The following MED12L variants were observed in gnomAD, a reference collection of about 807,000 sequenced individuals.
The protein encoded by MED12L is mediator of RNA polymerase II transcription subunit 12-like protein.
Under a neutral mutation model 281.3 loss-of-function variants are expected in MED12L, and 60 were observed. The observed-to-expected ratio is 0.21, with a 90% confidence interval of 0.17 to 0.26. MED12L has a LOEUF of 0.26. Among genes scored for constraint, MED12L ranks in the 10% least tolerant of loss-of-function variants. MED12L has a pLI of 1.00. For synonymous variants in MED12L, 974 were observed against 987.2 expected (o/e 0.99, Z 0.25); for missense variants, 2,146 against 2,680.9 (o/e 0.80, Z 4.41).
intron 16 of MED12L, among the ~76,000 whole-genome samples, chr3:151,214,652 G>A (rs932213469): frequency 6.6e-6 from 1 of 150,530 alleles, no homozygotes; most frequent in Admixed American, 6.7e-5. Context: ...CAATGAAAAG[G>A]GAAGAATGGA....
chr3:151,365,441 A>G (rs1393203331), intron 22 of MED12L, among the ~76,000 whole-genome samples: 3 of 152,200 alleles, frequency 2.0e-5, no homozygotes, highest in Non-Finnish European at 4.4e-5. Flanking sequence ...ATGGCCAACA[A>G]TTACATGATT....
intron 16 of MED12L, among the ~76,000 whole-genome samples, chr3:151,267,447 A>G (rs548118317): frequency 5.3e-5 from 8 of 152,288 alleles, no homozygotes; most frequent in African/African-American, 1.4e-4. Flanking sequence ...TTTTCACCCT[A>G]AATTCTAAGC....
chr3:151,407,668 A>G (rs1210759108), intron 39 of MED12L, among the ~76,000 whole-genome samples: 1 of 152,242 alleles, frequency 6.6e-6, no homozygotes, highest in Non-Finnish European at 1.5e-5. Flanking sequence ...CTCTAACCCA[A>G]GCAAATGGAG....
chr3:151,402,087 A>G (rs187973054), intron 39 of MED12L, among the ~76,000 whole-genome samples: 2 of 152,194 alleles, frequency 1.3e-5, no homozygotes, highest in South Asian at 2.1e-4. Flanking sequence ...TTATGTACCT[A>G]TATGTAAAAT....
intron 23 of MED12L, among the ~76,000 whole-genome samples, chr3:151,366,633 T>C (rs902944066): frequency 7.9e-5 from 12 of 152,216 alleles, no homozygotes; most frequent in African/African-American, 2.9e-4. Context: ...GTCTTTGTCG[T>C]ACACTAGTAT....
chr3:151,424,641 A>C (rs929293150), intron 43 of MED12L, among the ~76,000 whole-genome samples: 8 of 152,030 alleles, frequency 5.3e-5, no homozygotes, highest in African/African-American at 1.9e-4. Context: ...AAACAAAACA[A>C]AACAAAAAAA....
intron 16 of MED12L, chr3:151,300,222 GA>G: frequency 2.6e-6 from 2 of 766,142 alleles, no homozygotes; most frequent in Non-Finnish European, 4.7e-6. Context: ...GAAAAATGAG[GA>G]AAAAATCATC....
chr3:151,375,184 T>G (rs1462050020), intron 27 of MED12L, among the ~76,000 whole-genome samples: 1 of 152,220 alleles, frequency 6.6e-6, no homozygotes, highest in Non-Finnish European at 1.5e-5. Context: ...CCACCTGAGT[T>G]TGACTTAATT....
intron 41 of MED12L, among the ~76,000 whole-genome samples, chr3:151,412,358 G>A (rs187565030): frequency 2.8e-4 from 43 of 152,310 alleles, no homozygotes; most frequent in African/African-American, 7.9e-4. Context: ...TATGCAGTTC[G>A]TTCTTGTGGC....
intron 2 of MED12L, among the ~76,000 whole-genome samples, chr3:151,106,271 CTTTCCCTTTCCTTTTCCT>C: frequency 8.1e-6 from 1 of 123,072 alleles, no homozygotes. Context: ...TTCCCTTTCC[CTTTCCCTTTCCTTTTCCT>C]TTTCCTTTTC....
At chr3:151,257,182 G>A (rs1195995645) in intron 16 of MED12L, among the ~76,000 whole-genome samples, 2 of 152,178 alleles carry the variant, frequency 1.3e-5, no homozygotes, top group East Asian at 1.9e-4. Flanking sequence ...CGCCTGGAAA[G>A]CATATTTATG....
At chr3:151,418,937 T>C (rs1717940698) in intron 43 of MED12L, among the ~76,000 whole-genome samples, 1 of 152,228 alleles carries the variant, frequency 6.6e-6, no homozygotes, top group South Asian at 2.1e-4. Flanking sequence ...AAGCTTTCAA[T>C]GTGTAATGAT....
Position 151,127,862 on chromosome 3 carries a change from A to G in MED12L, c.434A>G (p.Tyr145Cys), listed in dbSNP as rs1479709120. Residue 145 changes from tyrosine to cysteine, a missense_variant, in exon 5 of 45, where the codon TAT becomes TGT. By Grantham distance (194) the Tyr-to-Cys change is radical. Around this residue, in one of 9 missense-constraint regions of MED12L, gnomAD observed 722 missense variants for 861.2 expected, o/e 0.84. Coordinates refer to ENST00000687756, the MANE Select transcript of MED12L (RefSeq NM_001393769.1). The part of the protein sequence containing the change: ...ILSKKEDVFA[Y>C]LAKYSVPMVR... ...AGTAAAAAAGAGGATGTTTTTGCAT[A>G]TTTAGCTAAATATTCTGTGCCAATG... The G allele has an allele frequency of 6.8e-6, 11 of 1,612,496 alleles. No homozygotes were observed. Among genetic ancestry groups the G allele is most frequent in the Middle Eastern group, 1.6e-4 (1 of 6,080 alleles).
intron 3 of MED12L, among the ~76,000 whole-genome samples, chr3:151,121,317 G>A (rs538513969): frequency 6.6e-6 from 1 of 152,236 alleles, no homozygotes; most frequent in East Asian, 1.9e-4. Flanking sequence ...ATAAAAAAAA[G>A]ACGGACTCCT....
At chr3:151,416,836 A>C (rs943197435) in intron 43 of MED12L, among the ~76,000 whole-genome samples, 1 of 152,220 alleles carries the variant, frequency 6.6e-6, no homozygotes, top group African/African-American at 2.4e-5. Flanking sequence ...CTTCAATAAG[A>C]AATTGTTTTT....
chr3:151,236,846 CTG>C (rs1481679446), intron 16 of MED12L, among the ~76,000 whole-genome samples: 13 of 152,126 alleles, frequency 8.5e-5, no homozygotes, highest in Non-Finnish European at 4.4e-5. Context: ...TAGCATTCTG[CTG>C]TGTGACCATA....
chr3:151,096,956 TC>T (rs1436876008), intron 2 of MED12L, among the ~76,000 whole-genome samples: 1 of 152,202 alleles, frequency 6.6e-6, no homozygotes, highest in African/African-American at 2.4e-5. Context: ...CACCACTTGA[TC>T]CTCTCAGAGC....
rs895876918 is a variant in MED12L at position 151,433,177 on chromosome 3, GT to G, written c.*386del. On this transcript the variant is annotated 3_prime_UTR_variant, in exon 45 of 45. Transcript: ENST00000687756. ...TATTTCATTCATTAATGATGACGTT[GT>G]TTTTTTTTTTTTAATTTTATTTTCC... is the stretch of plus-strand genomic sequence containing the variant. 5.5e-4 allele frequency: 86 copies of G among 156,636 alleles called. No homozygotes were observed. The highest frequency in any genetic ancestry group is 6.2e-4 in the Non-Finnish European group (46 of 74,510). The allele number at this position is 156,636 out of a possible 1,614,324, so 9.7% of individuals were successfully genotyped here.
At chr3:151,355,433 G>A (rs1753788592) in intron 18 of MED12L, among the ~76,000 whole-genome samples, 194 bp downstream of exon 18, 1 of 152,080 alleles carries the variant, frequency 6.6e-6, no homozygotes, top group Non-Finnish European at 1.5e-5. Flanking sequence ...TTTTTATTAT[G>A]TACTTTTTTT....
Sources: gnomAD v4.1 joint callset for allele counts (sites outside exome capture counted in the v4.1 genomes callset) on GRCh38, gnomAD v4.1.1 for gene constraint, gnomAD v4.1.1 regional missense constraint, MANE v1.5 for transcripts, NCBI Gene and HGNC (gene_info 2026-07-23, HGNC 2026-07-21) for gene names.